Variants in DPP6 observed in about 807,000 individuals in gnomAD.
DPP6 encodes dipeptidyl peptidase like 6, also known as A-type potassium channel modulatory protein DPP6.
In DPP6, 69 loss-of-function variants were observed where a neutral mutation model predicts 122.6. The observed-to-expected ratio is 0.56, with a 90% confidence interval of 0.46 to 0.69. The LOEUF is 0.69. Ranked by LOEUF, DPP6 falls within the 30% of genes least tolerant of loss-of-function variation. The pLI, the probability that DPP6 is intolerant of heterozygous loss-of-function variation, is 0.00. For missense variants in DPP6, 928 were observed against 1,116.9 expected, an observed-to-expected ratio of 0.83 and a Z score of 2.41; for synonymous variants, 418 against 433.1, an observed-to-expected ratio of 0.97 and a Z score of 0.43.
At chr7:154,546,438 G>T (rs527658820) in intron 4 of DPP6, among the ~76,000 whole-genome samples, 1 of 150,728 alleles carries the variant, frequency 6.6e-6, no homozygotes, top group African/African-American at 2.4e-5. Flanking sequence ...GTATGTAAGA[G>T]CTGTAGACAG....
At chr7:154,213,086 A>G (rs1351229682) in intron 1 of DPP6, among the ~76,000 whole-genome samples, 1 of 152,122 alleles carries the variant, frequency 6.6e-6, no homozygotes, top group Non-Finnish European at 1.5e-5. Context: ...TGTGTCCTCC[A>G]CAGGTGGGAG....
the DPP6 span, among the ~76,000 whole-genome samples, chr7:153,839,549 T>C: frequency 1.2e-4 from 18 of 152,308 alleles, no homozygotes; most frequent in South Asian, 2.1e-4. Context: ...GCCACAACAG[T>C]AGGGAGAAGT....
chr7:154,599,075 A>G (rs1035337294), intron 5 of DPP6, among the ~76,000 whole-genome samples: 12 of 152,182 alleles, frequency 7.9e-5, no homozygotes, highest in Non-Finnish European at 1.3e-4. Flanking sequence ...TCTAAGGGCG[A>G]TACATTTTGG....
intron 1 of DPP6, among the ~76,000 whole-genome samples, chr7:154,114,034 C>T (rs1190346652): frequency 3.3e-5 from 5 of 151,874 alleles, no homozygotes; most frequent in Non-Finnish European, 7.4e-5. Flanking sequence ...AAAATTATTT[C>T]TATTTGCGGA....
At chr7:153,803,104 C>T in the DPP6 span, among the ~76,000 whole-genome samples, 21 of 151,706 alleles carry the variant, frequency 1.4e-4, no homozygotes, top group Admixed American at 3.9e-4. Context: ...TGGTAACCAG[C>T]GTGCCCGCAT....
intron 8 of DPP6, among the ~76,000 whole-genome samples, chr7:154,751,679 A>C (rs1843398463): frequency 6.6e-6 from 1 of 152,000 alleles, no homozygotes; most frequent in African/African-American, 2.4e-5. Context: ...TAAGTGCTGC[A>C]CCACTAACCA....
chr7:154,180,039 A>G lies in DPP6; in HGVS notation c.243+126976A>G, dbSNP rs181486029. 4.1e-3 allele frequency among the ~76,000 whole-genome samples: 624 copies of G among 152,260 alleles called. 8 individuals are homozygous for G. The highest frequency in any genetic ancestry group is 0.015 in the African/African-American group (610 of 41,546). On this transcript the variant is annotated intron_variant, in intron 1 of 25. Coordinates refer to ENST00000377770, the MANE Select transcript of DPP6 (RefSeq NM_130797.4). ...GTATAGAAACAGAATGAAGTACAGG[A>G]TATATTTAAAATGTGGCTAATTAAC...
chr7:154,158,673 A>G (rs1796819962), intron 1 of DPP6, among the ~76,000 whole-genome samples: 1 of 151,982 alleles, frequency 6.6e-6, no homozygotes, highest in South Asian at 2.1e-4. Context: ...CCTCAGTAGA[A>G]TAATAAAAGC....
chr7:154,854,705 A>G (rs1802682936), intron 17 of DPP6, among the ~76,000 whole-genome samples: 2 of 152,076 alleles, frequency 1.3e-5, no homozygotes, highest in Admixed American at 1.3e-4. Flanking sequence ...GGGTCACTAG[A>G]GGTGGCATGT....
intron 1 of DPP6, among the ~76,000 whole-genome samples, chr7:154,435,179 T>C (rs1159433917): frequency 6.6e-6 from 1 of 151,936 alleles, no homozygotes; most frequent in African/African-American, 2.4e-5. Flanking sequence ...ATTAATTATG[T>C]TTGTGTGAGA....
At position 154,715,320 on chromosome 7, in the gene DPP6, A is replaced by C. The variant is rs185333146; in HGVS notation, c.763-12447A>C. ...CTAACATCAGATGATCCACCTGCCT[A>C]GGCCTCCCAAAGTGCTGGGATTACA... On this transcript the variant is annotated intron_variant, in intron 7 of 25. Transcript: ENST00000377770. 4.5e-4 allele frequency among the ~76,000 whole-genome samples: 69 copies of C among 152,236 alleles called. No individual in the cohort carries two copies. In the East Asian group the frequency reaches 0.011, roughly 24 times the overall value.
intron 5 of DPP6, among the ~76,000 whole-genome samples, chr7:154,576,996 A>C (rs1831723221): frequency 6.6e-6 from 1 of 152,122 alleles, no homozygotes; most frequent in African/African-American, 2.4e-5. Context: ...AGGCAGTGGA[A>C]GGGTAGAGTG....
At chr7:154,806,333 T>C (rs1798696205) in intron 15 of DPP6, among the ~76,000 whole-genome samples, 2 of 152,184 alleles carry the variant, frequency 1.3e-5, no homozygotes, top group Non-Finnish European at 2.9e-5. Context: ...TCCGGTATCT[T>C]AGGATCTTTC....
intron 1 of DPP6, among the ~76,000 whole-genome samples, chr7:154,234,734 G>A (rs1382993034): frequency 6.6e-6 from 1 of 152,126 alleles, no homozygotes; most frequent in Non-Finnish European, 1.5e-5. Flanking sequence ...AGCTCATCTG[G>A]ACTTGCCATG....
intron 1 of DPP6, among the ~76,000 whole-genome samples, chr7:154,348,120 A>G (rs1242492875): frequency 1.3e-5 from 2 of 151,734 alleles, no homozygotes; most frequent in East Asian, 3.9e-4. Flanking sequence ...AAGTTCTCCC[A>G]CTAGATGCAA....
At chr7:153,952,557 G>C (rs923450440) in intron 1 of DPP6, among the ~76,000 whole-genome samples, 7 of 152,230 alleles carry the variant, frequency 4.6e-5, no homozygotes, top group Non-Finnish European at 8.8e-5. Flanking sequence ...ACTGTGATGA[G>C]CACAGTTTAT....
At chr7:154,221,203 C>T (rs778116016) in intron 1 of DPP6, among the ~76,000 whole-genome samples, 5 of 152,072 alleles carry the variant, frequency 3.3e-5, no homozygotes, top group East Asian at 3.9e-4. Context: ...TGCAGTGGTA[C>T]GACCTCGGCT....
At chr7:154,199,133 T>A (rs1262672754) in intron 1 of DPP6, among the ~76,000 whole-genome samples, 1 of 151,968 alleles carries the variant, frequency 6.6e-6, no homozygotes, top group Non-Finnish European at 1.5e-5. Context: ...TCACGTTCCC[T>A]TTTATTTCCT....
At chr7:154,862,028 C>T (rs890834992) in intron 17 of DPP6, among the ~76,000 whole-genome samples, 1 of 152,166 alleles carries the variant, frequency 6.6e-6, no homozygotes, top group Non-Finnish European at 1.5e-5. Context: ...CAGTGAGATT[C>T]CCCTTCCATT....
Sources: gnomAD v4.1 joint callset for allele counts (sites outside exome capture counted in the v4.1 genomes callset) on GRCh38, gnomAD v4.1.1 for gene constraint, MANE v1.5 for transcripts, NCBI Gene and HGNC (gene_info 2026-07-23, HGNC 2026-07-21) for gene names.